The following METTL3 variants were observed in gnomAD, a reference collection of about 807,000 sequenced individuals.
METTL3 encodes the protein methyltransferase 3, N6-adenosine-methyltransferase complex catalytic subunit, also known as N(6)-adenosine-methyltransferase catalytic subunit METTL3.
In METTL3, 42 loss-of-function variants were observed where a neutral mutation model predicts 64.3. That is an observed-to-expected ratio of 0.65 (90% CI 0.51 to 0.84). METTL3 has a LOEUF of 0.84. Ranked by LOEUF, METTL3 falls within the 40% of genes least tolerant of loss-of-function variation. METTL3 has a pLI of 0.00. For synonymous variants in METTL3, 256 were observed against 263.6 expected (o/e 0.97, Z 0.28); for missense variants, 435 against 722.3 (o/e 0.60, Z 4.56).
chr14:21,498,185 G>C lies in METTL3; in HGVS notation c.*73C>G. The stretch of plus-strand genomic sequence containing the variant: ...TATTTAAATAAAGAAGAAAGCTATT[G>C]TACAAATATCACTCTTCAGGTTTAG... On this transcript the variant is annotated 3_prime_UTR_variant, in exon 11 of 11. Coordinates refer to ENST00000298717, the MANE Select transcript of METTL3 (RefSeq NM_019852.5). The C allele has an allele frequency of 2.3e-6, 2 of 884,158 alleles. No individual in the cohort carries two copies. Among genetic ancestry groups the C allele is most frequent in the Non-Finnish European group, 3.8e-6 (2 of 531,676 alleles). 54.8% of individuals were successfully genotyped at this position (884,158 alleles called of 1,614,324 possible).
chr14:21,499,285 G>A (rs768415429), intron 9 of METTL3, 21 bp downstream of exon 9: 1 of 1,613,812 alleles, frequency 6.2e-7, no homozygotes, highest in Admixed American at 1.7e-5. Context: ...TGGAAGCTTT[G>A]GAGGCCTGGG....
intron 10 of METTL3, 60 bp downstream of exon 10, chr14:21,498,965 T>C: frequency 8.5e-7 from 1 of 1,169,806 alleles, no homozygotes; most frequent in Non-Finnish European, 1.3e-6. Context: ...TCTACTAAGT[T>C]CTGTCCTTAA....
chr14:21,511,178 C>T lies in METTL3; in HGVS notation c.46G>A (p.Asp16Asn). The change falls in exon 1 of 11, where the codon GAC becomes AAC. Residue 16 changes from aspartate (D) to asparagine (N), a missense_variant. Physicochemically the swap from Asp to Asn is conservative, Grantham distance 23. Coordinates refer to ENST00000298717, the MANE Select transcript of METTL3 (RefSeq NM_019852.5). ...SSIQAHKKQL[D>N]SLRERLQRRR... The stretch of plus-strand genomic sequence containing the variant: ...CGCTGCAGCCTCTCCCGCAGAGAGT[C>T]CAGCTGCTTCTTGTGGGCCTGGATA... 1.9e-6 allele frequency: 3 copies of T among 1,614,116 alleles called. No individual in the cohort carries two copies. The highest frequency in any genetic ancestry group is 2.5e-6 in the Non-Finnish European group (3 of 1,179,998).
intron 1 of METTL3, among the ~76,000 whole-genome samples, chr14:21,505,472 C>G (rs1358790433): frequency 6.6e-6 from 1 of 152,102 alleles, no homozygotes; most frequent in Non-Finnish European, 1.5e-5. Context: ...TTAATAACAC[C>G]TCCTGGGAGG....
chr14:21,498,332 G>C lies in METTL3; in HGVS notation c.1669C>G (p.Leu557Val). ...LGNQLDGIHL[L>V]DPDVVARFKQ... The stretch of plus-strand genomic sequence containing the variant: ...AACCGTGCAACCACATCTGGGTCTA[G>C]TAGGTGGATCCCATCCAGTTGGTTT... Residue 557 changes from leucine to valine, a missense_variant, in exon 11 of 11, where the codon CTA becomes GTA. Physicochemically the swap from Leu to Val is conservative, Grantham distance 32. Coordinates refer to ENST00000298717, the MANE Select transcript of METTL3 (RefSeq NM_019852.5). 2 of 1,614,166 alleles carry C rather than the reference G, an allele frequency of 1.2e-6. No individual in the cohort carries two copies. The highest frequency in any genetic ancestry group is 1.7e-6 in the Non-Finnish European group (2 of 1,180,020).
At chr14:21,505,283 C>T (rs1891669942) in intron 1 of METTL3, among the ~76,000 whole-genome samples, 1 of 152,174 alleles carries the variant, frequency 6.6e-6, no homozygotes, top group South Asian at 2.1e-4. Flanking sequence ...TGAAGATGTT[C>T]TTTGAGTAAT....
intron 1 of METTL3, 64 bp downstream of exon 1, chr14:21,511,060 T>C: frequency 6.4e-7 from 1 of 1,570,530 alleles, no homozygotes; most frequent in East Asian, 2.3e-5. Flanking sequence ...TCTGGAGCTT[T>C]TTCTCTAGGG....
chr14:21,500,707 CTTCCCTACT>C (rs749776795), intron 5 of METTL3, 25 bp from the exon 6 acceptor site: 199 of 1,592,786 alleles, frequency 1.2e-4, no homozygotes, highest in Non-Finnish European at 1.7e-4. Flanking sequence ...ATTTGGTCAT[CTTCCCTACT>C]TTAACTCTGA....
chr14:21,509,158 G>C (rs1419132078), intron 1 of METTL3, among the ~76,000 whole-genome samples: 1 of 151,926 alleles, frequency 6.6e-6, no homozygotes, highest in African/African-American at 2.4e-5. Flanking sequence ...TGGGCAACAT[G>C]GTGAAACCCC....
chr14:21,509,844 G>GA (rs1178785872), intron 1 of METTL3, among the ~76,000 whole-genome samples: 19 of 151,996 alleles, frequency 1.3e-4, no homozygotes, highest in Non-Finnish European at 2.2e-4. Flanking sequence ...TAGAGCAAGG[G>GA]AAAAAAAATT....
Position 21,503,449 on chromosome 14 carries a change from G to C in METTL3, c.447C>G (p.Asp149Glu). The change falls in exon 3 of 11, where the codon GAC becomes GAG. Residue 149 changes from aspartate to glutamate, a missense_variant. Transcript: ENST00000298717. Reference protein sequence around the residue: ...DAHPTLVTYADHSKLSAMMGA... With the variant: ...DAHPTLVTYAEHSKLSAMMGA... ...CCATCATGGCAGAGAGCTTGGAATG[G>C]TCAGCATAGGTTACAAGAGTAGGAT... is the stretch of plus-strand genomic sequence containing the variant. 3 of 1,613,866 alleles carry C rather than the reference G, an allele frequency of 1.9e-6. No homozygotes were observed. Among genetic ancestry groups the C allele is most frequent in the African/African-American group, 2.7e-5 (2 of 75,058 alleles).
At chr14:21,510,967 G>T in intron 1 of METTL3, 157 bp downstream of exon 1, 1 of 806,894 alleles carries the variant, frequency 1.2e-6, no homozygotes, top group Non-Finnish European at 1.8e-6. Flanking sequence ...TTGCAGAAGG[G>T]CGAACGTCTG....
At position 21,511,089 on chromosome 14, in the gene METTL3, G is replaced by C. The variant is rs200966659; in HGVS notation, c.100+35C>G. 4 of 1,607,716 alleles carry C rather than the reference G, an allele frequency of 2.5e-6. No individual in the cohort carries two copies. The African/African-American group carries it at 5.3e-5, about 21-fold the overall frequency. On this transcript the variant is annotated intron_variant, in intron 1 of 10. Coordinates refer to ENST00000298717, the MANE Select transcript of METTL3 (RefSeq NM_019852.5). ...TCTAGGGATCCCGCCCGTCCTCCCCGGTTGAGCCTCGGCCCCAACAGCCCA... is the reference window on the plus strand; with the variant it reads ...TCTAGGGATCCCGCCCGTCCTCCCCCGTTGAGCCTCGGCCCCAACAGCCCA...
In METTL3 at chr14:21,511,122, AC is replaced by A; in HGVS notation, c.100+1del. ...CTCGGCCCCAACAGCCCAGTGCCTCACCCAAGTGCCCCGAGTCCTGCTTCCG... is the reference window on the plus strand; with the variant it reads ...CTCGGCCCCAACAGCCCAGTGCCTCACCAAGTGCCCCGAGTCCTGCTTCCG... On this transcript the variant is annotated splice_donor_variant, in intron 1 of 10. Coordinates refer to ENST00000298717, the MANE Select transcript of METTL3 (RefSeq NM_019852.5). LOFTEE classifies it high-confidence loss of function. The A allele has an allele frequency of 6.2e-7, 1 of 1,613,742 alleles. No individual in the cohort carries two copies. Among genetic ancestry groups the A allele is most frequent in the Non-Finnish European group, 8.5e-7 (1 of 1,179,872 alleles).
At position 21,501,822 on chromosome 14, in the gene METTL3, G is replaced by A. The variant is rs1393159305; in HGVS notation, c.805C>T (p.Arg269Trp). The A allele has an allele frequency of 1.2e-6, 2 of 1,613,942 alleles. No homozygotes were observed. Among genetic ancestry groups the A allele is most frequent in the African/African-American group, 1.3e-5 (1 of 74,876 alleles). Residue 269 changes from arginine to tryptophan, a missense_variant, in exon 4 of 11, where the codon CGG becomes TGG. Around this residue, in one of 9 missense-constraint regions of METTL3, gnomAD observed 40 missense variants for 89.6 expected, o/e 0.45. Transcript: ENST00000298717. ...SIVEKFRSRGRAQVQEFCDYG... is the reference protein window; with the variant it reads ...SIVEKFRSRGWAQVQEFCDYG... ...TCACAGAATTCTTGCACTTGGGCCC[G>A]ACCTCGAGAGCGAAATTTTTCAACA... is the stretch of plus-strand genomic sequence containing the variant.
intron 1 of METTL3, 93 bp from the exon 2 acceptor site, chr14:21,503,974 G>C: frequency 8.6e-7 from 1 of 1,167,496 alleles, no homozygotes; most frequent in Non-Finnish European, 1.2e-6. Flanking sequence ...CCCATACACA[G>C]ATCTTTCATT....
intron 5 of METTL3, 115 bp downstream of exon 5, chr14:21,500,798 A>G (rs1891547288): frequency 1.4e-6 from 2 of 1,411,732 alleles, no homozygotes; most frequent in Middle Eastern, 1.8e-4. Context: ...ATCCCCCTCC[A>G]TTCCCAATAA....
chr14:21,499,391 G>T lies in METTL3; in HGVS notation c.1453-20C>A. On this transcript the variant is annotated intron_variant, in intron 8 of 10. Coordinates refer to ENST00000298717, the MANE Select transcript of METTL3 (RefSeq NM_019852.5). ...ACCAACCTGCTCACCACAGATAACA[G>T]ATTACCTTATGAAACCACACCTTTG... 1 of 1,613,906 alleles carries T rather than the reference G, an allele frequency of 6.2e-7. No homozygotes were observed.
rs768307011 is a variant in METTL3 at position 21,499,452 on chromosome 14, T to C, written c.1452+40A>G. The C allele has an allele frequency of 3.1e-6, 5 of 1,609,694 alleles. No homozygotes were observed. In the South Asian group the frequency reaches 5.5e-5, roughly 18 times the overall value. On this transcript the variant is annotated intron_variant, in intron 8 of 10. Coordinates refer to ENST00000298717, the MANE Select transcript of METTL3 (RefSeq NM_019852.5). ...CAGTAAGAAATCAAATGATTCTTCT[T>C]TGTGCTCCACCTATTGAATTGGGCC... is the stretch of plus-strand genomic sequence containing the variant.
Sources: gnomAD v4.1 joint callset for allele counts (sites outside exome capture counted in the v4.1 genomes callset) on GRCh38, gnomAD v4.1.1 for gene constraint, gnomAD v4.1.1 regional missense constraint, MANE v1.5 for transcripts, NCBI Gene and HGNC (gene_info 2026-07-23, HGNC 2026-07-21) for gene names.